The following MAP4K3 variants were observed in gnomAD, a reference collection of about 807,000 sequenced individuals.
MAP4K3 encodes MAPK/ERK kinase kinase kinase 3.
In MAP4K3, 94 loss-of-function variants were observed where a neutral mutation model predicts 143.5. The ratio of observed to expected loss-of-function variants is 0.65; its 90% CI spans 0.55 to 0.78. The LOEUF (loss-of-function observed/expected upper bound fraction) is 0.78. MAP4K3 is among the 30% of genes least tolerant of loss of function. MAP4K3 has a pLI of 0.00. For synonymous variants in MAP4K3, 416 were observed against 347.2 expected (o/e 1.20, Z -2.20); for missense variants, 1,077 against 1,068.1 (o/e 1.01, Z -0.12).
intron 8 of MAP4K3, among the ~76,000 whole-genome samples, chr2:39,329,918 T>C (rs958970058): frequency 2.0e-5 from 3 of 152,128 alleles, no homozygotes; most frequent in African/African-American, 4.8e-5. Context: ...TAGTGGACAT[T>C]TGAGGGAAGG....
At position 39,249,613 on chromosome 2, in the gene MAP4K3, G is replaced by C. The variant is rs1192096876; in HGVS notation, c.*1005C>G. ...TAATACTCTAAGTCAAAAGAAATAT[G>C]AAAAGGATCATAAAATAAGGCCAAC... On this transcript the variant is annotated 3_prime_UTR_variant, in exon 34 of 34. Transcript: ENST00000263881. 1.3e-5 allele frequency: 2 copies of C among 152,496 alleles called. No individual in the cohort carries two copies. Among genetic ancestry groups the C allele is most frequent in the Admixed American group, 6.5e-5 (1 of 15,270 alleles). 9.4% of individuals were successfully genotyped at this position (152,496 alleles called of 1,614,324 possible).
chr2:39,284,939 G>A (rs1432327197), intron 21 of MAP4K3, among the ~76,000 whole-genome samples: 2 of 151,882 alleles, frequency 1.3e-5, no homozygotes, highest in African/African-American at 4.8e-5. Flanking sequence ...CACCCAGGCT[G>A]GAGTGCAGTG....
At chr2:39,434,438 A>C (rs1010352328) in intron 1 of MAP4K3, among the ~76,000 whole-genome samples, 1 of 152,172 alleles carries the variant, frequency 6.6e-6, no homozygotes. Flanking sequence ...GCAGGCAGGG[A>C]CCAAGCATCT....
intron 2 of MAP4K3, among the ~76,000 whole-genome samples, chr2:39,364,442 A>T (rs2148562547): frequency 6.6e-6 from 1 of 152,350 alleles, no homozygotes; most frequent in East Asian, 1.9e-4. Flanking sequence ...ACTCTAAAAT[A>T]TTTGAAGAGA....
intron 13 of MAP4K3, 29 bp from the exon 14 acceptor site, chr2:39,309,548 A>AATT: frequency 8.9e-6 from 3 of 338,212 alleles, no homozygotes; most frequent in Non-Finnish European, 1.4e-5. Flanking sequence ...TAAAACCAGG[A>AATT]TTTTTTTTTT....
Position 39,392,689 on chromosome 2 carries a change from T to C in MAP4K3, c.97-14566A>G, listed in dbSNP as rs76894087. Among the ~76,000 whole-genome samples, 776 of 152,030 alleles carry C rather than the reference T, an allele frequency of 5.1e-3. 38 individuals carry two copies. The East Asian group carries it at 0.12, about 23-fold the overall frequency. On this transcript the variant is annotated intron_variant, in intron 1 of 33. Transcript: ENST00000263881. ...AATGTAATAGTATTGGCAGGTGGGG[T>C]GATTGGGTCATAAGGCCAGAAAATG... is the stretch of plus-strand genomic sequence containing the variant.
At chr2:39,345,694 C>T (rs920228574) in intron 3 of MAP4K3, among the ~76,000 whole-genome samples, 30 of 151,934 alleles carry the variant, frequency 2.0e-4, no homozygotes, top group African/African-American at 7.0e-4. Context: ...CCGAGGCGGG[C>T]GGATCACGAG....
intron 4 of MAP4K3, among the ~76,000 whole-genome samples, chr2:39,339,632 G>C (rs1665084748): frequency 6.6e-6 from 1 of 152,118 alleles, no homozygotes; most frequent in South Asian, 2.1e-4. Flanking sequence ...AAGTCTCAGA[G>C]GGCTACATCC....
At chr2:39,436,418 C>A (rs986864823) in intron 1 of MAP4K3, among the ~76,000 whole-genome samples, 7 of 152,068 alleles carry the variant, frequency 4.6e-5, no homozygotes, top group African/African-American at 1.7e-4. Flanking sequence ...AGATGGAGGT[C>A]GCTCAGCATA....
At chr2:39,266,003 G>T (rs1680747547) in intron 27 of MAP4K3, among the ~76,000 whole-genome samples, 1 of 152,134 alleles carries the variant, frequency 6.6e-6, no homozygotes, top group Admixed American at 6.5e-5. Flanking sequence ...ACTTCAAATA[G>T]ATTTGAAATA....
chr2:39,410,238 C>A (rs1226272234), intron 1 of MAP4K3, among the ~76,000 whole-genome samples: 2 of 152,174 alleles, frequency 1.3e-5, no homozygotes. Flanking sequence ...GCATCATCTA[C>A]ACATAAGAGG....
At chr2:39,305,729 G>A (rs1245083162) in intron 15 of MAP4K3, among the ~76,000 whole-genome samples, 1 of 152,214 alleles carries the variant, frequency 6.6e-6, no homozygotes, top group East Asian at 1.9e-4. Context: ...CAGGGAGCAG[G>A]GATGAAGGTG....
Position 39,325,696 on chromosome 2 carries a change from A to AAT in MAP4K3, c.807+32_807+33dup, listed in dbSNP as rs145349830. 4.4e-3 allele frequency: 6,691 copies of AAT among 1,531,374 alleles called. 184 individuals are homozygous for AAT. The African/African-American group carries it at 0.076, about 17-fold the overall frequency. 94.9% of individuals were successfully genotyped at this position (1,531,374 alleles called of 1,614,324 possible). On this transcript the variant is annotated intron_variant, in intron 11 of 33. Coordinates refer to ENST00000263881, the MANE Select transcript of MAP4K3 (RefSeq NM_003618.4). ...GATTGAATAACATTTTATCTTTTGA[A>AAT]ATATATATATATATTTCAGGGCAAA...
At chr2:39,318,630 G>A (rs963108228) in intron 12 of MAP4K3, among the ~76,000 whole-genome samples, 16 of 151,938 alleles carry the variant, frequency 1.1e-4, no homozygotes, top group African/African-American at 3.6e-4. Context: ...GGCATTTAAA[G>A]AAACAAGCCA....
chr2:39,342,251 G>A (rs757473254), intron 4 of MAP4K3, among the ~76,000 whole-genome samples: 41 of 152,018 alleles, frequency 2.7e-4, no homozygotes, highest in Non-Finnish European at 4.9e-4. Context: ...CAATTCTCCC[G>A]CCGCAGCCTT....
intron 31 of MAP4K3, 77 bp downstream of exon 31, chr2:39,258,271 T>A: frequency 1.0e-6 from 1 of 956,258 alleles, no homozygotes; most frequent in Non-Finnish European, 1.6e-6. Context: ...ATAATATCAA[T>A]CTTTAATTTT....
intron 1 of MAP4K3, among the ~76,000 whole-genome samples, chr2:39,408,454 T>A (rs1407492640): frequency 1.3e-5 from 2 of 152,110 alleles, no homozygotes; most frequent in Non-Finnish European, 2.9e-5. Context: ...ACAGAGAGAA[T>A]GTCATGAATG....
chr2:39,359,118 T>C (rs1288269668), intron 2 of MAP4K3, among the ~76,000 whole-genome samples: 2 of 152,086 alleles, frequency 1.3e-5, no homozygotes, highest in Non-Finnish European at 2.9e-5. Context: ...AGCAAGTGAG[T>C]TACTCTCTAG....
chr2:39,274,575 T>G (rs940584525), intron 24 of MAP4K3, among the ~76,000 whole-genome samples: 1 of 152,202 alleles, frequency 6.6e-6, no homozygotes, highest in Admixed American at 6.5e-5. Context: ...AGATTTTCAA[T>G]GCTTTCTTCC....
Sources: gnomAD v4.1 joint callset for allele counts (sites outside exome capture counted in the v4.1 genomes callset) on GRCh38, gnomAD v4.1.1 for gene constraint, MANE v1.5 for transcripts, NCBI Gene and HGNC (gene_info 2026-07-23, HGNC 2026-07-21) for gene names.